Variants in GRM7 observed in about 807,000 individuals in gnomAD.
GRM7 encodes the protein metabotropic glutamate receptor 7.
Under a neutral mutation model 84.5 loss-of-function variants are expected in GRM7, and 35 were observed. The observed-to-expected ratio is 0.41, with a 90% CI of 0.32 to 0.55. The LOEUF (loss-of-function observed/expected upper bound fraction) is 0.55, where lower values mean the gene tolerates loss of function less well. Ranked by LOEUF, GRM7 falls within the 20% of genes least tolerant of loss-of-function variation. The probability of loss-of-function intolerance (pLI) is 0.19; values close to 1 mark genes in which losing one functional copy is unlikely to be tolerated. For synonymous variants in GRM7, 487 were observed against 455.1 expected (o/e 1.07, Z -0.89); for missense variants, 1,003 against 1,194.6 (o/e 0.84, Z 2.36).
chr3:7,323,199 G>T (rs2125056171), intron 4 of GRM7, among the ~76,000 whole-genome samples: 1 of 152,274 alleles, frequency 6.6e-6, no homozygotes, highest in African/African-American at 2.4e-5. Context: ...TAACTTTGGA[G>T]TCAGCTCCTG....
chr3:7,517,270 A>G (rs918186464), intron 7 of GRM7, among the ~76,000 whole-genome samples: 1 of 152,250 alleles, frequency 6.6e-6, no homozygotes, highest in Non-Finnish European at 1.5e-5. Context: ...CACTTTATAC[A>G]TAATTAGCAT....
intron 9 of GRM7, among the ~76,000 whole-genome samples, chr3:7,726,564 CCACT>C (rs775986167): frequency 2.9e-5 from 4 of 137,782 alleles, no homozygotes; most frequent in Non-Finnish European, 6.2e-5. Flanking sequence ...TATGTAATCA[CCACT>C]CACTAACATG....
rs189961654 is a variant in GRM7, at chr3:7,022,280, T to G, written c.520-124172T>G. ...AGTAGAGATTGCAGTGAGCCGAGATTGTGCCACTGCACCCCAGCTGAGTGA... is the reference window on the plus strand; with the variant it reads ...AGTAGAGATTGCAGTGAGCCGAGATGGTGCCACTGCACCCCAGCTGAGTGA... On this transcript the variant is annotated intron_variant, in intron 1 of 9. Coordinates refer to ENST00000357716, the MANE Select transcript of GRM7 (RefSeq NM_000844.4). 2.5e-4 allele frequency among the ~76,000 whole-genome samples: 38 copies of G among 151,812 alleles called. 1 individual carries two copies. In the East Asian group the frequency reaches 7.2e-3, roughly 29 times the overall value.
chr3:6,988,092 G>T (rs1426848252), intron 1 of GRM7, among the ~76,000 whole-genome samples: 1 of 149,888 alleles, frequency 6.7e-6, no homozygotes, highest in Admixed American at 6.7e-5. Flanking sequence ...CGCCTCCTGG[G>T]TTCACGCCAT....
chr3:7,076,695 C>G (rs1208394489), intron 1 of GRM7, among the ~76,000 whole-genome samples: 2 of 152,090 alleles, frequency 1.3e-5, no homozygotes, highest in African/African-American at 4.8e-5. Flanking sequence ...CTCTAAAGAT[C>G]ACTGTTCAAA....
At chr3:7,041,075 G>C (rs1379591001) in intron 1 of GRM7, among the ~76,000 whole-genome samples, 1 of 125,282 alleles carries the variant, frequency 8.0e-6, no homozygotes, top group African/African-American at 3.4e-5. Flanking sequence ...GTGAGACCCT[G>C]TCTCAAAAAA....
rs79850039 is a variant in GRM7 at position 7,484,836 on chromosome 3, C to G, written c.1515+23114C>G. 8.5e-4 allele frequency among the ~76,000 whole-genome samples: 129 copies of G among 152,274 alleles called. 1 individual carries two copies. The East Asian group carries it at 0.016, about 19-fold the overall frequency. ...TGTCTGCCAAAGCTAGTGACTCATTCTTAACAAATGAAATAGACAAAGGTG... is the reference window on the plus strand; with the variant it reads ...TGTCTGCCAAAGCTAGTGACTCATTGTTAACAAATGAAATAGACAAAGGTG... On this transcript the variant is annotated intron_variant, in intron 7 of 9. Transcript: ENST00000357716.
At position 6,863,108 on chromosome 3, in the gene GRM7, G is replaced by T; in HGVS notation, c.519+1201G>T. On this transcript the variant is annotated intron_variant, in intron 1 of 9. Transcript: ENST00000357716. The surrounding 1 kb of genome is among the most constrained non-coding windows in gnomAD (Gnocchi z 4.8). ...TATATGTGCATCACTCTCTCTTTCT[G>T]TCTCTGTCTCCTTGCTGTTTTTTTT... 2.7e-6 allele frequency: 1 copy of T among 368,816 alleles called. No homozygotes were observed. The highest frequency in any genetic ancestry group is 5.3e-6 in the Non-Finnish European group (1 of 187,262). 22.8% of individuals were successfully genotyped at this position (368,816 alleles called of 1,614,324 possible).
chr3:7,369,888 G>T (rs1392565386), intron 4 of GRM7, among the ~76,000 whole-genome samples: 1 of 152,104 alleles, frequency 6.6e-6, no homozygotes, highest in African/African-American at 2.4e-5. Context: ...CCGTATTCTG[G>T]TTTACAGTAT....
At chr3:7,073,678 T>C (rs1309598366) in intron 1 of GRM7, among the ~76,000 whole-genome samples, 1 of 152,188 alleles carries the variant, frequency 6.6e-6, no homozygotes. Flanking sequence ...CTAAAAATTC[T>C]AGTTTTGAAT....
intron 3 of GRM7, among the ~76,000 whole-genome samples, chr3:7,302,821 T>G (rs565513270): frequency 6.6e-6 from 1 of 152,200 alleles, no homozygotes. Context: ...TGCTCTGTAC[T>G]TAGGTTAACT....
Position 7,222,570 on chromosome 3 carries a change from G to A in GRM7, c.736+75902G>A, listed in dbSNP as rs1397799410. ...AGCCTTCAGAAAGGAACTCCGCCCT[G>A]CTGACACCTTGATTTCAGCCTTGTG... is the stretch of plus-strand genomic sequence containing the variant. On this transcript the variant is annotated intron_variant, in intron 2 of 9. Coordinates refer to ENST00000357716, the MANE Select transcript of GRM7 (RefSeq NM_000844.4). 2.0e-5 allele frequency among the ~76,000 whole-genome samples: 3 copies of A among 152,134 alleles called. No homozygotes were observed. The East Asian group carries it at 5.8e-4, about 29-fold the overall frequency.
In GRM7 at chr3:7,538,702, CA is replaced by C. The variant is rs111719655; in HGVS notation, c.1516-39711del. On this transcript the variant is annotated intron_variant, in intron 7 of 9. Transcript: ENST00000357716. ...TAGCAATATGCTGTACCACAGCCAC[CA>C]AAAAAAAATGATAAAAAGCATGTAC... Among the ~76,000 whole-genome samples, 729 of 149,878 alleles carry C rather than the reference CA, an allele frequency of 4.9e-3. 8 individuals carry two copies. Among genetic ancestry groups the C allele is most frequent in the African/African-American group, 0.017 (678 of 40,912 alleles).
chr3:7,108,273 G>T (rs1411910670), intron 1 of GRM7, among the ~76,000 whole-genome samples: 1 of 152,058 alleles, frequency 6.6e-6, no homozygotes, highest in African/African-American at 2.4e-5. Flanking sequence ...GGTTCTGTCT[G>T]ATTGCAGGAA....
chr3:7,503,871 T>A (rs999757210), intron 7 of GRM7, among the ~76,000 whole-genome samples: 11 of 152,160 alleles, frequency 7.2e-5, no homozygotes, highest in African/African-American at 2.7e-4. Context: ...AGGCAACTTA[T>A]AGGTCAAAAT....
chr3:6,904,616 C>T (rs1165147171), intron 1 of GRM7, among the ~76,000 whole-genome samples: 1 of 152,118 alleles, frequency 6.6e-6, no homozygotes, highest in Non-Finnish European at 1.5e-5. Flanking sequence ...CTTTTGTGTA[C>T]TTCCTATCTT....
At chr3:7,016,863 C>A (rs1429544067) in intron 1 of GRM7, among the ~76,000 whole-genome samples, 3 of 152,146 alleles carry the variant, frequency 2.0e-5, no homozygotes, top group Non-Finnish European at 4.4e-5. Flanking sequence ...CCACTGGTGG[C>A]AACAGAATCT....
chr3:7,482,655 C>A (rs948042793), intron 7 of GRM7, among the ~76,000 whole-genome samples: 2 of 152,144 alleles, frequency 1.3e-5, no homozygotes, highest in Admixed American at 6.5e-5. Flanking sequence ...TTGTGAAAGA[C>A]CCTCTATAGC....
intron 1 of GRM7, among the ~76,000 whole-genome samples, chr3:7,071,418 A>T (rs1182934876): frequency 6.6e-6 from 1 of 152,104 alleles, no homozygotes; most frequent in African/African-American, 2.4e-5. Flanking sequence ...AAAATATTCC[A>T]TTCTAGCCAT....
Sources: allele counts gnomAD v4.1 joint callset (sites outside exome capture counted in the v4.1 genomes callset), GRCh38; gene constraint gnomAD v4.1.1; non-coding constraint Gnocchi (gnomAD v3.1); transcripts MANE v1.5; gene names NCBI Gene and HGNC (gene_info 2026-07-23, HGNC 2026-07-21).